LAMA2: variants seen among roughly 807,000 people sequenced by gnomAD.
LAMA2 encodes laminin subunit alpha 2, also known as laminin subunit alpha-2.
A neutral mutation model predicts 364.8 loss-of-function variants in LAMA2; 269 were observed. The ratio of observed to expected loss-of-function variants is 0.74; its 90% CI spans 0.67 to 0.82. The LOEUF is 0.82. LAMA2 is among the 40% of genes least tolerant of loss of function. LAMA2 has a pLI of 0.00. For missense variants in LAMA2, 3,807 were observed against 3,873.2 expected (o/e 0.98, Z 0.45); for synonymous variants, 1,379 against 1,370.6 (o/e 1.01, Z -0.14).
chr6:128,883,402 G>A lies in LAMA2; in HGVS notation c.112+45G>A, dbSNP rs781320224. The A allele has an allele frequency of 5.8e-6, 9 of 1,551,066 alleles. No homozygotes were observed. The Admixed American group carries it at 7.8e-5, about 13-fold the overall frequency. On this transcript the variant is annotated intron_variant, in intron 1 of 64. Coordinates refer to ENST00000421865, the MANE Select transcript of LAMA2 (RefSeq NM_000426.4). ...TTGGGTTGCATCCTTTGCCGGGACCGAGATTCCTCACTTCTTCCACTCTTC... is the reference window on the plus strand; with the variant it reads ...TTGGGTTGCATCCTTTGCCGGGACCAAGATTCCTCACTTCTTCCACTCTTC...
At chr6:129,097,293 A>G (rs1051222683) in intron 3 of LAMA2, among the ~76,000 whole-genome samples, 1 of 152,236 alleles carries the variant, frequency 6.6e-6, no homozygotes, top group African/African-American at 2.4e-5. Flanking sequence ...AACATTGTAC[A>G]TAAATGTCAT....
chr6:129,272,472 C>A (rs1788005929), intron 17 of LAMA2, among the ~76,000 whole-genome samples: 1 of 152,096 alleles, frequency 6.6e-6, no homozygotes, highest in South Asian at 2.1e-4. Context: ...TGCTCAGAGT[C>A]ATAAAGTATT....
At chr6:129,261,608 T>A (rs760655865) in intron 15 of LAMA2, among the ~76,000 whole-genome samples, 3 of 152,116 alleles carry the variant, frequency 2.0e-5, no homozygotes, top group Non-Finnish European at 4.4e-5. Context: ...TTTAAAATGG[T>A]GCCTTTAAGG....
At chr6:129,401,487 C>T (rs1344359350) in intron 38 of LAMA2, 147 bp downstream of exon 38, 1 of 679,134 alleles carries the variant, frequency 1.5e-6, no homozygotes, top group African/African-American at 1.8e-5. Flanking sequence ...CCATGCCTAT[C>T]TATTGGTGAC....
chr6:128,938,224 GATATTA>G lies in LAMA2; in HGVS notation c.112+54871_112+54876del, dbSNP rs536721877. Among the ~76,000 whole-genome samples, 166 of 152,092 alleles carry G rather than the reference GATATTA, an allele frequency of 1.1e-3. 1 individual carries two copies. Among genetic ancestry groups the G allele is most frequent in the African/African-American group, 3.8e-3 (157 of 41,504 alleles). The stretch of plus-strand genomic sequence containing the variant: ...TATCTGTAAAAATGAGTAATACAGT[GATATTA>G]ATAATAATAATGAGAGTATCTACCT... On this transcript the variant is annotated intron_variant, in intron 1 of 64. Coordinates refer to ENST00000421865, the MANE Select transcript of LAMA2 (RefSeq NM_000426.4).
At chr6:128,917,184 A>G (rs1032476879) in intron 1 of LAMA2, among the ~76,000 whole-genome samples, 3 of 151,968 alleles carry the variant, frequency 2.0e-5, no homozygotes, top group African/African-American at 4.8e-5. Flanking sequence ...TTTAAAAAAA[A>G]AAAAAACTAA....
At chr6:129,051,309 A>G (rs1022435222) in intron 2 of LAMA2, among the ~76,000 whole-genome samples, 1 of 148,372 alleles carries the variant, frequency 6.7e-6, no homozygotes, top group Admixed American at 6.7e-5. Flanking sequence ...CAGATATATT[A>G]TTTTATTTTT....
At chr6:129,053,365 G>A (rs1242934693) in intron 2 of LAMA2, among the ~76,000 whole-genome samples, 1 of 152,056 alleles carries the variant, frequency 6.6e-6, no homozygotes, top group East Asian at 1.9e-4. Context: ...GCGCCCGGCC[G>A]ACTCTGGTGA....
intron 31 of LAMA2, among the ~76,000 whole-genome samples, chr6:129,352,350 G>T (rs551803429): frequency 6.6e-6 from 1 of 152,108 alleles, no homozygotes. Context: ...CTGCATTTAG[G>T]GTTCATCCAG....
intron 29 of LAMA2, among the ~76,000 whole-genome samples, chr6:129,337,619 T>A (rs1359172587): frequency 6.6e-6 from 1 of 152,136 alleles, no homozygotes; most frequent in Admixed American, 6.5e-5. Context: ...CATTCCTGTA[T>A]GGCAAGAAGG....
intron 4 of LAMA2, among the ~76,000 whole-genome samples, chr6:129,098,916 G>T (rs944255897): frequency 6.6e-6 from 1 of 152,196 alleles, no homozygotes; most frequent in Non-Finnish European, 1.5e-5. Context: ...GTCAGGCTTT[G>T]TGGAACAGTA....
intron 1 of LAMA2, among the ~76,000 whole-genome samples, chr6:128,961,369 T>TATATATATA (rs1562873217): frequency 7.2e-5 from 5 of 69,126 alleles, no homozygotes; most frequent in African/African-American, 2.5e-4. Flanking sequence ...ATATATATAT[T>TATATATATA]AGTTTATTAA....
intron 40 of LAMA2, among the ~76,000 whole-genome samples, chr6:129,420,721 A>C (rs1029008421): frequency 6.6e-6 from 1 of 152,216 alleles, no homozygotes; most frequent in Non-Finnish European, 1.5e-5. Context: ...GGAAAAAAGC[A>C]AAATATATAA....
intron 14 of LAMA2, among the ~76,000 whole-genome samples, chr6:129,256,795 T>C (rs1786721354): frequency 7.3e-6 from 1 of 136,130 alleles, no homozygotes; most frequent in Admixed American, 7.4e-5. Flanking sequence ...TATATATATA[T>C]ATATAGTGGG....
intron 1 of LAMA2, among the ~76,000 whole-genome samples, chr6:128,896,160 C>T (rs4260765): frequency 0.18 from 26,655 of 151,798 alleles, 2,614 homozygotes; most frequent in African/African-American, 0.25. Context: ...TTGTGCAGAA[C>T]TTTTTAGTAT....
intron 9 of LAMA2, among the ~76,000 whole-genome samples, chr6:129,169,513 T>C (rs376094238): frequency 5.3e-5 from 8 of 151,796 alleles, no homozygotes; most frequent in East Asian, 1.9e-4. Flanking sequence ...GGATGAAGCC[T>C]ACTTGATCAT....
chr6:129,010,732 C>G (rs1784717913), intron 1 of LAMA2, among the ~76,000 whole-genome samples: 1 of 152,194 alleles, frequency 6.6e-6, no homozygotes, highest in Non-Finnish European at 1.5e-5. Flanking sequence ...TTTATACAAT[C>G]TATCACTCCT....
intron 1 of LAMA2, among the ~76,000 whole-genome samples, chr6:128,897,411 A>G (rs990921241): frequency 6.6e-6 from 1 of 152,194 alleles, no homozygotes; most frequent in Non-Finnish European, 1.5e-5. Context: ...TTTGAGTCAT[A>G]TAAGAGTTTG....
At chr6:129,106,794 ATAAAAT>A (rs1775848792) in intron 4 of LAMA2, among the ~76,000 whole-genome samples, 1 of 151,072 alleles carries the variant, frequency 6.6e-6, no homozygotes, top group South Asian at 2.1e-4. Flanking sequence ...TAAAATAAAG[ATAAAAT>A]TAAGAGGATT....
Sources: allele counts gnomAD v4.1 joint callset (sites outside exome capture counted in the v4.1 genomes callset), GRCh38; gene constraint gnomAD v4.1.1; transcripts MANE v1.5; gene names NCBI Gene and HGNC (gene_info 2026-07-23, HGNC 2026-07-21).